Variants in NIPBL observed in about 807,000 individuals in gnomAD.
The protein encoded by NIPBL is NIPBL cohesin loading factor.
A neutral mutation model predicts 321.8 loss-of-function variants in NIPBL; 19 were observed. The observed-to-expected ratio is 0.06, with a 90% CI of 0.04 to 0.09. NIPBL has a LOEUF of 0.09. Among genes scored for constraint, NIPBL ranks in the 10% least tolerant of loss-of-function variants. The pLI is 1.00. For synonymous variants in NIPBL, 1,106 were observed against 1,114.1 expected (o/e 0.99, Z 0.14); for missense variants, 2,210 against 3,327.0 (o/e 0.66, Z 8.26).
rs181627868 is a variant in NIPBL at position 37,045,361 on chromosome 5, A to C, written c.6344-82A>C. ...AGTGAGACTCCATCTCAAAAAAAAAATTGTAATTCATTAGTAGTAATTACT... is the reference window on the plus strand; with the variant it reads ...AGTGAGACTCCATCTCAAAAAAAAACTTGTAATTCATTAGTAGTAATTACT... On this transcript the variant is annotated intron_variant, in intron 36 of 46. Transcript: ENST00000282516. 9.9e-5 allele frequency: 114 copies of C among 1,148,232 alleles called. No homozygotes were observed. The African/African-American group carries it at 1.6e-3, about 16-fold the overall frequency. 71.1% of individuals were successfully genotyped at this position (1,148,232 alleles called of 1,614,324 possible).
chr5:36,917,943 GA>G (rs1018199887), intron 1 of NIPBL, among the ~76,000 whole-genome samples: 2 of 152,198 alleles, frequency 1.3e-5, no homozygotes, highest in African/African-American at 4.8e-5. Flanking sequence ...AGTATAGTTT[GA>G]AGTCAGGTAG....
In NIPBL at chr5:36,985,883, T is replaced by C. The variant is rs774346043; in HGVS notation, c.2703T>C (p.Asn901=). ...DSPRVKQGDS[N]KSRSDKLGFK... is the part of the protein sequence containing the mutation. ...CTCGTGTTAAACAAGGAGATTCTAA[T>C]AAATCAAGATCTGATAAACTTGGTT... Residue 901 remains asparagine, a synonymous_variant, in exon 10 of 47, where the codon AAT becomes AAC. Transcript: ENST00000282516. 16 of 1,613,788 alleles carry C rather than the reference T, an allele frequency of 9.9e-6. No homozygotes were observed. The highest frequency in any genetic ancestry group is 3.3e-5 in the Admixed American group (2 of 59,874).
chr5:37,036,519 G>GT (rs943365763), intron 33 of NIPBL, 32 bp downstream of exon 33: 1 of 906,252 alleles, frequency 1.1e-6, no homozygotes, highest in African/African-American at 1.7e-5. Flanking sequence ...TTGATCTTTA[G>GT]TTGATTTTAT....
chr5:37,030,247 C>A (rs13164726), intron 32 of NIPBL, among the ~76,000 whole-genome samples: 2 of 152,018 alleles, frequency 1.3e-5, no homozygotes, highest in Non-Finnish European at 2.9e-5. Context: ...TTTATCCATC[C>A]TATTCATGCT....
chr5:37,027,603 G>GTTTTTTTTTTTTT (rs781358128), intron 32 of NIPBL, among the ~76,000 whole-genome samples, 191 bp downstream of exon 32: 2 of 69,764 alleles, frequency 2.9e-5, no homozygotes, highest in East Asian at 4.3e-4. Context: ...CCTGGTTGTG[G>GTTTTTTTTTTTTT]TTTTTTTTTT....
chr5:37,024,538 A>G, intron 29 of NIPBL, 47 bp from the exon 30 acceptor site: 2 of 1,525,114 alleles, frequency 1.3e-6, no homozygotes, highest in East Asian at 2.3e-5. Context: ...TTCATACACT[A>G]GGCATCTCAA....
At chr5:37,027,273 A>G (rs1750391018) in intron 31 of NIPBL, 86 bp from the exon 32 acceptor site, 8 of 1,043,400 alleles carry the variant, frequency 7.7e-6, no homozygotes, top group South Asian at 5.4e-5. Context: ...AAATTGAAAC[A>G]TGTTTCAGGC....
At chr5:37,007,963 A>G (rs773781283) in intron 18 of NIPBL, 45 bp from the exon 19 acceptor site, 1 of 1,095,324 alleles carries the variant, frequency 9.1e-7, no homozygotes, top group South Asian at 1.2e-5. Context: ...AATGTTACTG[A>G]AATCAACTAA....
At chr5:37,027,030 G>A (rs1750360575) in intron 31 of NIPBL, among the ~76,000 whole-genome samples, 2 of 151,674 alleles carry the variant, frequency 1.3e-5, no homozygotes, top group South Asian at 4.2e-4. Flanking sequence ...AAATATTTTT[G>A]TTCTTAATGT....
At chr5:37,001,112 C>T (rs1383333384) in intron 14 of NIPBL, 34 bp downstream of exon 14, 1 of 1,360,706 alleles carries the variant, frequency 7.3e-7, no homozygotes, top group Non-Finnish European at 1.1e-6. Context: ...TACACATACT[C>T]TAAGTGTCTT....
At chr5:36,885,870 G>A in intron 1 of NIPBL, 1 of 725,880 alleles carries the variant, frequency 1.4e-6, no homozygotes, top group East Asian at 2.6e-5. Context: ...GAAGTAAAAG[G>A]CCTACAAGCC....
At chr5:37,061,073 A>T (rs1167156051) in intron 45 of NIPBL, 55 bp downstream of exon 45, 11 of 1,335,302 alleles carry the variant, frequency 8.2e-6, no homozygotes, top group Non-Finnish European at 9.7e-6. Flanking sequence ...TTGACAAGTA[A>T]ATGTGGGGGG....
intron 6 of NIPBL, among the ~76,000 whole-genome samples, chr5:36,967,232 A>C (rs1384396349): frequency 6.6e-6 from 1 of 152,134 alleles, no homozygotes; most frequent in African/African-American, 2.4e-5. Context: ...GATGCATTCA[A>C]AATTAAGATG....
In NIPBL at chr5:36,976,483, T is replaced by C; in HGVS notation, c.1495+81T>C. 4.3e-6 allele frequency: 6 copies of C among 1,379,838 alleles called. No homozygotes were observed. The South Asian group carries it at 6.1e-5, about 14-fold the overall frequency. 85.5% of individuals were successfully genotyped at this position (1,379,838 alleles called of 1,614,324 possible). A position where few individuals can be genotyped will look rare whatever the true frequency, so the allele number is the denominator to read the frequency against. On this transcript the variant is annotated intron_variant, in intron 9 of 46. Transcript: ENST00000282516. ...GTCAAAAATTTTTTTCACATTACTT[T>C]TTTCCCGAATATTTTGTATAATTTA...
chr5:37,030,341 T>C (rs1750843329), intron 32 of NIPBL, among the ~76,000 whole-genome samples: 1 of 152,170 alleles, frequency 6.6e-6, no homozygotes, highest in Non-Finnish European at 1.5e-5. Context: ...TATTTCCTTA[T>C]ACTAGCAGAG....
At chr5:37,037,233 A>G (rs987246252) in intron 33 of NIPBL, among the ~76,000 whole-genome samples, 9 of 151,250 alleles carry the variant, frequency 6.0e-5, no homozygotes, top group Admixed American at 4.6e-4. Context: ...TGAAAATACA[A>G]AAAAATTAAC....
intron 1 of NIPBL, among the ~76,000 whole-genome samples, chr5:36,897,036 A>C (rs1339979734): frequency 6.7e-6 from 1 of 150,208 alleles, no homozygotes; most frequent in African/African-American, 2.5e-5. Flanking sequence ...GGAGTCTTGC[A>C]CTGTCACCCG....
intron 45 of NIPBL, among the ~76,000 whole-genome samples, chr5:37,061,625 C>T (rs540198248): frequency 1.1e-4 from 17 of 152,170 alleles, no homozygotes; most frequent in African/African-American, 3.4e-4. Context: ...GTTACAGTGA[C>T]CTGAGATTGC....
chr5:36,944,635 A>G (rs1054443126), intron 1 of NIPBL, among the ~76,000 whole-genome samples: 2 of 152,190 alleles, frequency 1.3e-5, no homozygotes, highest in Middle Eastern at 3.4e-3. Context: ...AAAAGTTTCC[A>G]TTTCAGTATT....
Sources: gnomAD v4.1 joint callset for allele counts (sites outside exome capture counted in the v4.1 genomes callset) on GRCh38, gnomAD v4.1.1 for gene constraint, MANE v1.5 for transcripts, NCBI Gene and HGNC (gene_info 2026-07-23, HGNC 2026-07-21) for gene names.